Variants in CDK18 observed in about 807,000 individuals in gnomAD.
CDK18 encodes cyclin-dependent kinase 18.
CDK18 carries 52 observed loss-of-function variants against 62.0 expected under a neutral mutation model. That is an observed-to-expected ratio of 0.84 (90% confidence interval 0.67 to 1.06). The LOEUF (loss-of-function observed/expected upper bound fraction) is 1.06. CDK18 is among the 50% of genes least tolerant of loss of function. The pLI is 0.00. For synonymous variants in CDK18, 237 were observed against 247.0 expected (o/e 0.96, Z 0.38); for missense variants, 604 against 619.9 (o/e 0.97, Z 0.27).
At chr1:205,524,416 G>A in intron 4 of CDK18, 59 bp downstream of exon 4, 1 of 1,597,856 alleles carries the variant, frequency 6.3e-7, no homozygotes. Flanking sequence ...CCCAGCATGG[G>A]CATATCAGTC....
chr1:205,521,841 C>T (rs1668144254), intron 1 of CDK18, among the ~76,000 whole-genome samples: 1 of 152,242 alleles, frequency 6.6e-6, no homozygotes, highest in African/African-American at 2.4e-5. Flanking sequence ...AGGGCCTGGT[C>T]GCCTTGGCAA....
intron 5 of CDK18, 99 bp downstream of exon 5, chr1:205,525,294 G>C (rs1279884159): frequency 1.3e-6 from 1 of 792,852 alleles, no homozygotes; most frequent in Non-Finnish European, 2.1e-6. Context: ...GCCCTCTCTG[G>C]TTGGCCCTCT....
chr1:205,530,016 A>C, intron 13 of CDK18: 4 of 1,409,032 alleles, frequency 2.8e-6, no homozygotes, highest in Non-Finnish European at 3.7e-6. Context: ...TCCCAAGAGA[A>C]GGTCACTCTC....
In CDK18 at chr1:205,529,110, T is replaced by G. The variant is rs1387334905; in HGVS notation, c.1072+14T>G. 1.9e-6 allele frequency: 3 copies of G among 1,560,420 alleles called. No homozygotes were observed. Among genetic ancestry groups the G allele is most frequent in the Non-Finnish European group, 2.6e-6 (3 of 1,149,774 alleles). ...TTCGCCTCCTCGGTCAGTCTCCCGC[T>G]GCTCCGTCCCTCTCACCACCAGGGG... On this transcript the variant is annotated intron_variant, in intron 11 of 15. Transcript: ENST00000429964.
At chr1:205,513,001 TGA>T (rs1288646560) in intron 1 of CDK18, among the ~76,000 whole-genome samples, 1 of 152,202 alleles carries the variant, frequency 6.6e-6, no homozygotes, top group Non-Finnish European at 1.5e-5. Flanking sequence ...GATATCTGGC[TGA>T]GAGAGGGCTA....
intron 1 of CDK18, among the ~76,000 whole-genome samples, chr1:205,513,124 C>G (rs1019506485): frequency 6.6e-6 from 1 of 152,220 alleles, no homozygotes; most frequent in African/African-American, 2.4e-5. Context: ...GCTGTTTCCT[C>G]TGGTATTTAA....
At chr1:205,523,686 A>C (rs1308686421) in intron 3 of CDK18, 61 bp downstream of exon 3, 1 of 1,508,460 alleles carries the variant, frequency 6.6e-7, no homozygotes, top group African/African-American at 1.4e-5. Flanking sequence ...GGGTGTGCAC[A>C]GGAGGGCAGC....
In CDK18 at chr1:205,530,272, G is replaced by C. The variant is rs746664974; in HGVS notation, c.1235G>C (p.Ser412Thr). The C allele has an allele frequency of 3.1e-6, 5 of 1,612,856 alleles. No homozygotes were observed. In the South Asian group the frequency reaches 4.4e-5, roughly 14 times the overall value. Reference sequence around the variant, plus strand: ...TGTGCCTTTCAGTATGAATCCAAGAGTCGCATGTCAGCAGAGGCTGCCCTG... The same window carrying C: ...TGTGCCTTTCAGTATGAATCCAAGACTCGCATGTCAGCAGAGGCTGCCCTG... The part of the protein sequence containing the change: ...LSSLLLYESK[S>T]RMSAEAALSH... The change falls in exon 14 of 16, where the codon AGT becomes ACT. Residue 412 changes from serine (S) to threonine (T), a missense_variant. Transcript: ENST00000429964.
At position 205,530,609 on chromosome 1, in the gene CDK18, A is replaced by G. The variant is rs566462092; in HGVS notation, c.1313-19A>G. On this transcript the variant is annotated intron_variant, in intron 14 of 15. Transcript: ENST00000429964. ...AGCTCCACGCAGCCCTCTCCAGACTATGCACTTCTCTCCCCCAGCTGCCTC... is the reference window on the plus strand; with the variant it reads ...AGCTCCACGCAGCCCTCTCCAGACTGTGCACTTCTCTCCCCCAGCTGCCTC... 8.7e-6 allele frequency: 14 copies of G among 1,611,452 alleles called. No individual in the cohort carries two copies. The Admixed American group carries it at 2.2e-4, about 25-fold the overall frequency.
At chr1:205,506,019 A>G (rs978453610) in intron 1 of CDK18, among the ~76,000 whole-genome samples, 4 of 152,118 alleles carry the variant, frequency 2.6e-5, no homozygotes, top group African/African-American at 7.2e-5. Context: ...TTCGCGTGGC[A>G]TTCCCCACCC....
At position 205,529,030 on chromosome 1, in the gene CDK18, A is replaced by C. The variant is rs1575078458; in HGVS notation, c.1006A>C (p.Thr336Pro). The C allele has an allele frequency of 6.3e-7, 1 of 1,596,330 alleles. No homozygotes were observed. Among genetic ancestry groups the C allele is most frequent in the Non-Finnish European group, 8.5e-7 (1 of 1,172,114 alleles). ...GGGCTGCATCCACTACGAGATGGCC[A>C]CAGGGAGGCCCCTCTTCCCGGGCTC... ...GVGCIHYEMA[T>P]GRPLFPGSTV... Residue 336 changes from threonine (T) to proline (P), a missense_variant, in exon 11 of 16, where the codon ACA becomes CCA. Transcript: ENST00000429964.
intron 15 of CDK18, among the ~76,000 whole-genome samples, 164 bp from the exon 16 acceptor site, chr1:205,531,180 A>G (rs1300986624): frequency 6.6e-6 from 1 of 152,212 alleles, no homozygotes; most frequent in Non-Finnish European, 1.5e-5. Flanking sequence ...GCAGCTAGTA[A>G]GTAGCAGAGA....
In CDK18 at chr1:205,527,501, G is replaced by A. The variant is rs1668497428; in HGVS notation, c.730-293G>A. 3.4e-5 allele frequency: 9 copies of A among 263,210 alleles called. No homozygotes were observed. The highest frequency in any genetic ancestry group is 7.1e-5 in the South Asian group (1 of 14,080). 16.3% of individuals were successfully genotyped at this position (263,210 alleles called of 1,614,324 possible). A position where few individuals can be genotyped will look rare whatever the true frequency, so the allele number is the denominator to read the frequency against. On this transcript the variant is annotated intron_variant, in intron 8 of 15. Transcript: ENST00000429964. This position sits in a 1 kb window ranked among gnomAD's most constrained non-coding sequence, Gnocchi z 4.1. ...CTCTAAAAGAAAAAAAAAAAAAAAAGGGATCAAGCACATATGTCTCCACAT... is the reference window on the plus strand; with the variant it reads ...CTCTAAAAGAAAAAAAAAAAAAAAAAGGATCAAGCACATATGTCTCCACAT...
In CDK18 at chr1:205,526,156, C is replaced by T. The variant is rs753307031; in HGVS notation, c.548C>T (p.Ala183Val). The stretch of plus-strand genomic sequence containing the variant: ...ATCCGGCTGGAGCACGAGGAGGGAG[C>T]GCCCTGCACTGCCATCCGAGAGGGT... ...KEIRLEHEEG[A>V]PCTAIREVSL... Residue 183 changes from alanine (A) to valine (V), a missense_variant, in exon 6 of 16, where the codon GCG becomes GTG. Ala to Val is a moderately conservative substitution (Grantham distance 64). Transcript: ENST00000429964. 15 of 1,613,626 alleles carry T rather than the reference C, an allele frequency of 9.3e-6. No individual in the cohort carries two copies. The highest frequency in any genetic ancestry group is 4.5e-5 in the East Asian group (2 of 44,890).
In CDK18 at chr1:205,526,056, C is replaced by T; in HGVS notation, c.457-9C>T. On this transcript the variant is annotated splice_polypyrimidine_tract_variant and intron_variant, in intron 5 of 15. Transcript: ENST00000429964. ...ATGCGCCTGGGGCCGCTGTGGCCCT[C>T]CATCCCAGGGCACCTATGCCACAGT... The T allele has an allele frequency of 1.2e-6, 2 of 1,601,538 alleles. No individual in the cohort carries two copies. The highest frequency in any genetic ancestry group is 2.2e-5 in the South Asian group (2 of 89,786).
Position 205,529,381 on chromosome 1 carries a change from A to G in CDK18, c.1130A>G (p.Tyr377Cys), listed in dbSNP as rs867372845. The G allele has an allele frequency of 1.9e-6, 3 of 1,613,972 alleles. No individual in the cohort carries two copies. The Middle Eastern group carries it at 4.9e-4, about 266-fold the overall frequency. Residue 377 changes from tyrosine to cysteine, a missense_variant, in exon 12 of 16, where the codon TAC (tyrosine) becomes TGC (cysteine). Coordinates refer to ENST00000429964, the MANE Select transcript of CDK18 (RefSeq NM_212502.3). ...ACCGCCTTCTCTGAGTTCCGCACCTACAGCTTCCCCTGCTACCTCCCGCAG... is the reference window on the plus strand; with the variant it reads ...ACCGCCTTCTCTGAGTTCCGCACCTGCAGCTTCCCCTGCTACCTCCCGCAG... Reference protein sequence around the residue: ...GVTAFSEFRTYSFPCYLPQPL... With the variant: ...GVTAFSEFRTCSFPCYLPQPL...
rs1386340261 is a variant in CDK18, at chr1:205,531,365, A to C, written c.1412A>C (p.Gln471Pro). Reference sequence around the variant, plus strand: ...CCAGGACGAGGGAAGAACAGGCGGCAGAGCATCTTCTGAGCCACGCCCACC... The same window carrying C: ...CCAGGACGAGGGAAGAACAGGCGGCCGAGCATCTTCTGAGCCACGCCCACC... ...QQPGRGKNRRQSIF is the reference protein window; with the variant it reads ...QQPGRGKNRRPSIF Residue 471 changes from glutamine to proline, a missense_variant, in exon 16 of 16, where the codon CAG becomes CCG. Gln to Pro is a moderately conservative substitution (Grantham distance 76). Coordinates refer to ENST00000429964, the MANE Select transcript of CDK18 (RefSeq NM_212502.3). 8.1e-6 allele frequency: 13 copies of C among 1,614,036 alleles called. No individual in the cohort carries two copies. Among genetic ancestry groups the C allele is most frequent in the Non-Finnish European group, 1.1e-5 (13 of 1,180,002 alleles).
rs1160968888 is a variant in CDK18, at chr1:205,529,102, T to C, written c.1072+6T>C. 6.4e-7 allele frequency: 1 copy of C among 1,568,626 alleles called. No individual in the cohort carries two copies. Among genetic ancestry groups the C allele is most frequent in the South Asian group, 1.2e-5 (1 of 85,672 alleles). On this transcript the variant is annotated splice_donor_region_variant and intron_variant, in intron 11 of 15. Coordinates refer to ENST00000429964, the MANE Select transcript of CDK18 (RefSeq NM_212502.3). Reference sequence around the variant, plus strand: ...CCTCATCTTTCGCCTCCTCGGTCAGTCTCCCGCTGCTCCGTCCCTCTCACC... The same window carrying C: ...CCTCATCTTTCGCCTCCTCGGTCAGCCTCCCGCTGCTCCGTCCCTCTCACC...
At chr1:205,518,363 G>A (rs867281069) in intron 1 of CDK18, among the ~76,000 whole-genome samples, 2 of 152,232 alleles carry the variant, frequency 1.3e-5, no homozygotes, top group African/African-American at 4.8e-5. Flanking sequence ...CATGCAGCAG[G>A]TGTTCAATAA....
Sources: gnomAD v4.1 joint callset for allele counts (sites outside exome capture counted in the v4.1 genomes callset) on GRCh38, gnomAD v4.1.1 for gene constraint, Gnocchi (gnomAD v3.1) non-coding constraint, MANE v1.5 for transcripts, NCBI Gene and HGNC (gene_info 2026-07-23, HGNC 2026-07-21) for gene names.